PPP1R14A: variants seen among roughly 807,000 people sequenced by gnomAD.
The protein encoded by PPP1R14A is protein phosphatase 1 regulatory subunit 14A.
PPP1R14A carries 9 observed loss-of-function variants against 14.1 expected under a neutral mutation model. That is an observed-to-expected ratio of 0.64 (90% CI 0.38 to 1.11). The LOEUF is 1.11. Among genes scored for constraint, PPP1R14A ranks in the 50% most tolerant of loss-of-function variants. The pLI is 0.01. For missense variants in PPP1R14A, 208 were observed against 200.7 expected, an observed-to-expected ratio of 1.04 and a Z score of -0.22; for synonymous variants, 93 against 88.7, an observed-to-expected ratio of 1.05 and a Z score of -0.27.
intron 1 of PPP1R14A, among the ~76,000 whole-genome samples, chr19:38,253,751 G>A (rs998605930): frequency 6.6e-6 from 1 of 152,194 alleles, no homozygotes; most frequent in African/African-American, 2.4e-5. Flanking sequence ...GGGCTTCAGG[G>A]CTGGATGGTC....
In PPP1R14A at chr19:38,252,773, C is replaced by T; in HGVS notation, c.282+121G>A. On this transcript the variant is annotated intron_variant, in intron 2 of 3. Transcript: ENST00000301242. The surrounding 1 kb of genome is among the most constrained non-coding windows in gnomAD (Gnocchi z 4.1). ...TTTGTGAGGGTTAAGTGAGTGAATA[C>T]ATGTAAAGCCATCACACCAGTGCCC... The T allele has an allele frequency of 1.3e-6, 1 of 783,752 alleles. No individual in the cohort carries two copies. Among genetic ancestry groups the T allele is most frequent in the Non-Finnish European group, 2.2e-6 (1 of 446,002 alleles). The allele number at this position is 783,752 out of a possible 1,614,324, so 48.5% of individuals were successfully genotyped here.
At chr19:38,254,207 C>T (rs1269643595) in intron 1 of PPP1R14A, among the ~76,000 whole-genome samples, 1 of 152,196 alleles carries the variant, frequency 6.6e-6, no homozygotes, top group Non-Finnish European at 1.5e-5. Flanking sequence ...GTGGCTCACG[C>T]CTGTAATCCT....
At chr19:38,251,540 T>C in intron 3 of PPP1R14A, 94 bp from the exon 4 acceptor site, 1 of 1,139,230 alleles carries the variant, frequency 8.8e-7, no homozygotes, top group South Asian at 1.7e-5. Context: ...CGCCTCCTCC[T>C]GTTCTCTGAT....
chr19:38,251,782 C>T (rs1568332679), intron 3 of PPP1R14A: 1 of 389,982 alleles, frequency 2.6e-6, no homozygotes, highest in Non-Finnish European at 4.5e-6. Context: ...GAGAAAGAAA[C>T]AGAGACATGT....
Position 38,252,811 on chromosome 19 carries a change from G to A in PPP1R14A, c.282+83C>T. ...CACACCAGTGCCCGGCATCTAGTGAGCACTCAGTAAACACGTGAACTATTG... is the reference window on the plus strand; with the variant it reads ...CACACCAGTGCCCGGCATCTAGTGAACACTCAGTAAACACGTGAACTATTG... On this transcript the variant is annotated intron_variant, in intron 2 of 3. Transcript: ENST00000301242. This position sits in a 1 kb window ranked among gnomAD's most constrained non-coding sequence, Gnocchi z 4.1. 1 of 1,005,486 alleles carries A rather than the reference G, an allele frequency of 9.9e-7. No individual in the cohort carries two copies. The highest frequency in any genetic ancestry group is 1.6e-6 in the Non-Finnish European group (1 of 628,344). The allele number at this position is 1,005,486 out of a possible 1,614,324, so 62.3% of individuals were successfully genotyped here.
rs1968246459 is a variant in PPP1R14A at position 38,256,195 on chromosome 19, G to T, written c.145C>A (p.Arg49=). 1 of 1,549,046 alleles carries T rather than the reference G, an allele frequency of 6.5e-7. No homozygotes were observed. Among genetic ancestry groups the T allele is most frequent in the East Asian group, 2.4e-5 (1 of 41,438 alleles). ...TCGATCCACTTCTCCACGTCCAGCCGCCGCTGCAGCTCCCGCCGGTCATAC... is the reference window on the plus strand; with the variant it reads ...TCGATCCACTTCTCCACGTCCAGCCTCCGCTGCAGCTCCCGCCGGTCATAC... ...VKYDRRELQR[R]LDVEKWIDGR... The change falls in exon 1 of 4, where the codon CGG becomes AGG. Residue 49 remains arginine (R), a synonymous_variant. Transcript: ENST00000301242. This position sits in a 1 kb window ranked among gnomAD's most constrained non-coding sequence, Gnocchi z 5.7.
In PPP1R14A at chr19:38,251,368, C is replaced by T. The variant is rs776772561; in HGVS notation, c.394G>A (p.Asp132Asn). Residue 132 changes from aspartate (D) to asparagine (N), a missense_variant, in exon 4 of 4, where the codon GAC becomes AAC. Physicochemically the swap from Asp to Asn is conservative, Grantham distance 23. Transcript: ENST00000301242. ...PGLRQPSPSH[D>N]GSLSPLQDRA... ...TCCTGGAGGGGGCTGAGGCTGCCGT[C>T]GTGGGAGGGGCTTGGCTGGCGGAGG... 1.4e-5 allele frequency: 22 copies of T among 1,554,146 alleles called. No individual in the cohort carries two copies. The highest frequency in any genetic ancestry group is 3.6e-5 in the South Asian group (3 of 82,992).
chr19:38,254,559 C>G (rs918535158), intron 1 of PPP1R14A, among the ~76,000 whole-genome samples: 3 of 152,136 alleles, frequency 2.0e-5, no homozygotes, highest in Admixed American at 6.5e-5. Flanking sequence ...CCCACCTTGG[C>G]CTCCCAAAGT....
chr19:38,253,093 A>C (rs1041199922), intron 1 of PPP1R14A, 119 bp from the exon 2 acceptor site: 2 of 729,312 alleles, frequency 2.7e-6, no homozygotes, highest in East Asian at 2.6e-5. Flanking sequence ...TGGAGCATTA[A>C]TGTGGCAGTC....
chr19:38,255,329 A>G (rs1175585319), intron 1 of PPP1R14A, among the ~76,000 whole-genome samples: 1 of 151,296 alleles, frequency 6.6e-6, no homozygotes, highest in Non-Finnish European at 1.5e-5. Context: ...GGTTTTCCCC[A>G]TGTTGCCCAG....
Position 38,251,305 on chromosome 19 carries a change from G to C in PPP1R14A, c.*13C>G, listed in dbSNP as rs755184802. The C allele has an allele frequency of 4.1e-6, 6 of 1,462,488 alleles. No individual in the cohort carries two copies. The highest frequency in any genetic ancestry group is 6.4e-5 in the Admixed American group (2 of 31,112). The allele number at this position is 1,462,488 out of a possible 1,614,324, so 90.6% of individuals were successfully genotyped here. ...CTGGGCGGCGTCCGGGGGGCAGGGA[G>C]AGTGCAAGAGGGTCAGGGGTGAGCA... On this transcript the variant is annotated 3_prime_UTR_variant, in exon 4 of 4. Coordinates refer to ENST00000301242, the MANE Select transcript of PPP1R14A (RefSeq NM_033256.3).
chr19:38,253,070 A>G (rs1297838834), intron 1 of PPP1R14A, 96 bp from the exon 2 acceptor site: 2 of 943,208 alleles, frequency 2.1e-6, no homozygotes, highest in East Asian at 2.4e-5. Flanking sequence ...CCCAGGGCCC[A>G]GCTGGCGGGT....
At chr19:38,251,733 A>C in intron 3 of PPP1R14A, 1 of 466,240 alleles carries the variant, frequency 2.1e-6, no homozygotes, top group Non-Finnish European at 3.7e-6. Context: ...AGAAACAGAG[A>C]GACATGTAGA....
Position 38,256,282 on chromosome 19 carries a change from C to T in PPP1R14A, c.58G>A (p.Ala20Thr). 6.5e-7 allele frequency: 1 copy of T among 1,541,120 alleles called. No homozygotes were observed. Among genetic ancestry groups the T allele is most frequent in the Non-Finnish European group, 8.7e-7 (1 of 1,149,574 alleles). The change falls in exon 1 of 4, where the codon GCC becomes ACC. Residue 20 changes from alanine (A) to threonine (T), a missense_variant. By Grantham distance (58) the Ala-to-Thr change is moderately conservative. Coordinates refer to ENST00000301242, the MANE Select transcript of PPP1R14A (RefSeq NM_033256.3). This position sits in a 1 kb window ranked among gnomAD's most constrained non-coding sequence, Gnocchi z 5.7. The part of the protein sequence containing the change: ...VLSKLQSPSR[A>T]RGPGGSPGGL... ...CCGGGACTGCCCCCTGGCCCGCGGGCCCGCGATGGAGACTGCAGCTTGCTC... is the reference window on the plus strand; with the variant it reads ...CCGGGACTGCCCCCTGGCCCGCGGGTCCGCGATGGAGACTGCAGCTTGCTC...
rs753934253 is a variant in PPP1R14A, at chr19:38,252,882, C to T, written c.282+12G>A. ...CAAAGTGGGAGGCTGGGGGACACGT[C>T]CCCCCACCTACCTGGATTTTCCGGC... On this transcript the variant is annotated intron_variant, in intron 2 of 3. Coordinates refer to ENST00000301242, the MANE Select transcript of PPP1R14A (RefSeq NM_033256.3). The surrounding 1 kb of genome is among the most constrained non-coding windows in gnomAD (Gnocchi z 4.1). The T allele has an allele frequency of 6.3e-7, 1 of 1,590,634 alleles. No homozygotes were observed. The highest frequency in any genetic ancestry group is 8.6e-7 in the Non-Finnish European group (1 of 1,158,662).
chr19:38,252,947 T>G lies in PPP1R14A; in HGVS notation c.229A>C (p.Ile77Leu), dbSNP rs762456614. Residue 77 changes from isoleucine to leucine, a missense_variant, in exon 2 of 4, where the codon ATT becomes CTT. Physicochemically the swap from Ile to Leu is conservative, Grantham distance 5. Coordinates refer to ENST00000301242, the MANE Select transcript of PPP1R14A (RefSeq NM_033256.3). The surrounding 1 kb of genome is among the most constrained non-coding windows in gnomAD (Gnocchi z 4.1). ...MEADMPDEIN[I>L]DELLELESEE... Reference sequence around the variant, plus strand: ...CTCTCTAACTCCAACAATTCATCAATGTTGATCTCATCGGGCATGTCTGCC... The same window carrying G: ...CTCTCTAACTCCAACAATTCATCAAGGTTGATCTCATCGGGCATGTCTGCC... 19 of 1,613,900 alleles carry G rather than the reference T, an allele frequency of 1.2e-5. No homozygotes were observed. In the South Asian group the frequency reaches 1.9e-4, roughly 16 times the overall value.
In PPP1R14A at chr19:38,252,315, T is replaced by C. The variant is rs1434633257; in HGVS notation, c.306A>G (p.Lys102=). The C allele has an allele frequency of 6.2e-6, 10 of 1,611,852 alleles. No homozygotes were observed. In the African/African-American group the frequency reaches 1.3e-4, roughly 22 times the overall value. The change falls in exon 3 of 4, where the codon AAA becomes AAG. Residue 102 remains lysine, a synonymous_variant. Transcript: ENST00000301242. This position sits in a 1 kb window ranked among gnomAD's most constrained non-coding sequence, Gnocchi z 4.1. ...KIQGLLKSCG[K]PVEDFIQELL... ...GGGAGAGAAAACTCACCTCGACAGG[T>C]TTCCCACATGACTTCAGGAGTCCCT...
chr19:38,255,851 A>C (rs925550217), intron 1 of PPP1R14A, among the ~76,000 whole-genome samples: 2 of 150,794 alleles, frequency 1.3e-5, no homozygotes, highest in Non-Finnish European at 2.9e-5. Flanking sequence ...GTTTCAGCTC[A>C]ACTTAGCCTC....
At position 38,251,292 on chromosome 19, in the gene PPP1R14A, CGG is replaced by C; in HGVS notation, c.*24_*25del. 1 of 1,435,262 alleles carries C rather than the reference CGG, an allele frequency of 7.0e-7. No individual in the cohort carries two copies. Among genetic ancestry groups the C allele is most frequent in the South Asian group, 1.5e-5 (1 of 64,750 alleles). 88.9% of individuals were successfully genotyped at this position (1,435,262 alleles called of 1,614,324 possible). The stretch of plus-strand genomic sequence containing the variant: ...ATACACAAGCAAGCTGGGCGGCGTC[CGG>C]GGGGCAGGGAGAGTGCAAGAGGGTC... On this transcript the variant is annotated 3_prime_UTR_variant, in exon 4 of 4. Transcript: ENST00000301242.
Sources: allele counts gnomAD v4.1 joint callset (sites outside exome capture counted in the v4.1 genomes callset), GRCh38; gene constraint gnomAD v4.1.1; non-coding constraint Gnocchi (gnomAD v3.1); transcripts MANE v1.5; gene names NCBI Gene and HGNC (gene_info 2026-07-23, HGNC 2026-07-21).